The following ORC2 variants were observed in gnomAD, a reference collection of about 807,000 sequenced individuals.
The protein encoded by ORC2 is origin recognition complex protein 2 homolog.
A neutral mutation model predicts 77.7 loss-of-function variants in ORC2; 37 were observed. The ratio of observed to expected loss-of-function variants is 0.48; its 90% CI spans 0.37 to 0.63. ORC2 has a LOEUF of 0.63. Among genes scored for constraint, ORC2 ranks in the 20% least tolerant of loss-of-function variants. The pLI, the probability that ORC2 is intolerant of heterozygous loss-of-function variation, is 0.00. For synonymous variants in ORC2, 201 were observed against 229.5 expected (o/e 0.88, Z 1.12); for missense variants, 557 against 661.9 (o/e 0.84, Z 1.74).
At chr2:200,918,866 T>C (rs998401422) in intron 15 of ORC2, among the ~76,000 whole-genome samples, 3 of 152,062 alleles carry the variant, frequency 2.0e-5, no homozygotes, top group Admixed American at 6.6e-5. Flanking sequence ...GACTAATTTA[T>C]AGATCTAATA....
chr2:200,912,980 TA>T (rs1225161600), intron 17 of ORC2, among the ~76,000 whole-genome samples: 5 of 152,208 alleles, frequency 3.3e-5, no homozygotes, highest in Non-Finnish European at 5.9e-5. Flanking sequence ...ATGTAGTTAG[TA>T]CTCAATAAAT....
chr2:200,949,419 C>A, intron 5 of ORC2, 135 bp downstream of exon 5: 1 of 602,982 alleles, frequency 1.7e-6, no homozygotes, highest in African/African-American at 1.9e-5. Flanking sequence ...GGGAACGTCT[C>A]ATTATTCCCT....
intron 1 of ORC2, among the ~76,000 whole-genome samples, 165 bp from the exon 2 acceptor site, chr2:200,959,605 A>G (rs1435672050): frequency 1.3e-5 from 2 of 152,216 alleles, no homozygotes; most frequent in Non-Finnish European, 2.9e-5. Context: ...AAAGACCATT[A>G]CTGATTTGGC....
chr2:200,920,420 A>G (rs1193130786), intron 14 of ORC2, 27 bp from the exon 15 acceptor site: 1 of 1,454,986 alleles, frequency 6.9e-7, no homozygotes. Context: ...GAAAACAAGA[A>G]TTACAAATTA....
chr2:200,916,726 G>A (rs1299406397), intron 15 of ORC2, among the ~76,000 whole-genome samples: 3 of 151,946 alleles, frequency 2.0e-5, no homozygotes, highest in East Asian at 1.9e-4. Context: ...TATTTGAGAC[G>A]GAGTCTCGCT....
At chr2:200,917,665 T>C (rs1268523065) in intron 15 of ORC2, among the ~76,000 whole-genome samples, 1 of 152,072 alleles carries the variant, frequency 6.6e-6, no homozygotes. Context: ...GAAATCCAAA[T>C]ATGGATGGGA....
intron 1 of ORC2, among the ~76,000 whole-genome samples, chr2:200,960,064 A>G (rs1334646283): frequency 6.6e-6 from 1 of 152,002 alleles, no homozygotes; most frequent in Non-Finnish European, 1.5e-5. Flanking sequence ...CACAGCTCCA[A>G]CCTCCTGGGC....
chr2:200,911,719 C>A (rs927692843), intron 17 of ORC2, among the ~76,000 whole-genome samples: 5 of 152,110 alleles, frequency 3.3e-5, no homozygotes, highest in African/African-American at 1.2e-4. Context: ...TCAACAAGAA[C>A]CTTCCCTGTT....
rs1454650453 is a variant in ORC2 at position 200,909,857 on chromosome 2, GC to G, written c.*1443del. 6.6e-6 allele frequency: 1 copy of G among 151,582 alleles called. No individual in the cohort carries two copies. The highest frequency in any genetic ancestry group is 1.5e-5 in the Non-Finnish European group (1 of 68,040). 9.4% of individuals were successfully genotyped at this position (151,582 alleles called of 1,614,324 possible). A position where few individuals can be genotyped will look rare whatever the true frequency, so the allele number is the denominator to read the frequency against. ...GCTCACTGTAATCTTGAACCCCTGGGCTCAAGCGATCCTCCTGCCTCAGCCT... is the reference window on the plus strand; with the variant it reads ...GCTCACTGTAATCTTGAACCCCTGGGTCAAGCGATCCTCCTGCCTCAGCCT... On this transcript the variant is annotated 3_prime_UTR_variant, in exon 18 of 18. Coordinates refer to ENST00000234296, the MANE Select transcript of ORC2 (RefSeq NM_006190.5).
chr2:200,948,707 C>A (rs990761343), intron 5 of ORC2, among the ~76,000 whole-genome samples: 1 of 151,914 alleles, frequency 6.6e-6, no homozygotes, highest in African/African-American at 2.4e-5. Flanking sequence ...GGACTACAGG[C>A]ACGTGCCACC....
At position 200,929,688 on chromosome 2, in the gene ORC2, T is replaced by C. The variant is rs1267004573; in HGVS notation, c.917+1651A>G. Among the ~76,000 whole-genome samples the C allele has an allele frequency of 2.0e-5, 3 of 152,102 alleles. No homozygotes were observed. In the South Asian group the frequency reaches 6.2e-4, roughly 32 times the overall value. ...GGCACACATCTATGGACCCAGCTATTTGGGAAGCTGAGGTGGGAGGATTGC... is the reference window on the plus strand; with the variant it reads ...GGCACACATCTATGGACCCAGCTATCTGGGAAGCTGAGGTGGGAGGATTGC... On this transcript the variant is annotated intron_variant, in intron 11 of 17. Transcript: ENST00000234296.
intron 4 of ORC2, 117 bp from the exon 5 acceptor site, chr2:200,949,760 ATATT>A (rs1273444386): frequency 4.1e-6 from 2 of 486,410 alleles, no homozygotes; most frequent in African/African-American, 2.0e-5. Flanking sequence ...AGATTTAACT[ATATT>A]TATATATAAA....
intron 6 of ORC2, among the ~76,000 whole-genome samples, chr2:200,942,401 T>G (rs537484225): frequency 6.6e-6 from 1 of 152,318 alleles, no homozygotes; most frequent in African/African-American, 2.4e-5. Context: ...CTTCTATAAA[T>G]AATTGGCTAA....
At chr2:200,959,003 T>C (rs972546652) in intron 2 of ORC2, among the ~76,000 whole-genome samples, 8 of 152,254 alleles carry the variant, frequency 5.3e-5, no homozygotes, top group South Asian at 4.1e-4. Context: ...GGAGAAACTA[T>C]TGACTGTGTC....
At position 200,957,449 on chromosome 2, in the gene ORC2, C is replaced by T. The variant is rs994360714; in HGVS notation, c.190G>A (p.Val64Ile). The T allele has an allele frequency of 6.2e-7, 1 of 1,610,798 alleles. No individual in the cohort carries two copies. The highest frequency in any genetic ancestry group is 1.1e-5 in the South Asian group (1 of 90,630). ...EYDLEEDDQEVLKDQNYVEIM... is the reference protein window; with the variant it reads ...EYDLEEDDQEILKDQNYVEIM... ...TCCACATAGTTCTGATCTTTTAAGA[C>T]CTCCTGGTCATCTTCCTCCAAATCA... The change falls in exon 4 of 18, where the codon GTC becomes ATC. Residue 64 changes from valine (V) to isoleucine (I), a missense_variant. Physicochemically the swap from Val to Ile is conservative, Grantham distance 29. Coordinates refer to ENST00000234296, the MANE Select transcript of ORC2 (RefSeq NM_006190.5).
intron 14 of ORC2, 131 bp from the exon 15 acceptor site, chr2:200,920,524 T>C: frequency 1.7e-6 from 1 of 585,344 alleles, no homozygotes. Context: ...TTTTGCCACT[T>C]CCATATCTAA....
chr2:200,963,343 C>T (rs1015641140), intron 1 of ORC2, 147 bp downstream of exon 1: 4 of 397,602 alleles, frequency 1.0e-5, no homozygotes, highest in Non-Finnish European at 1.8e-5. Context: ...GACCATGCCC[C>T]AAGTGCCGAG....
chr2:200,931,278 CAT>C, intron 11 of ORC2, 59 bp downstream of exon 11: 1 of 684,036 alleles, frequency 1.5e-6, no homozygotes, highest in Non-Finnish European at 2.3e-6. Context: ...CTTACTTTAA[CAT>C]AAAGATTCAT....
chr2:200,944,319 G>A (rs1169456314), intron 5 of ORC2, among the ~76,000 whole-genome samples: 2 of 152,086 alleles, frequency 1.3e-5, no homozygotes, highest in South Asian at 2.1e-4. Flanking sequence ...GATTACACAT[G>A]TGTGCCATCA....
Sources: allele counts gnomAD v4.1 joint callset (sites outside exome capture counted in the v4.1 genomes callset), GRCh38; gene constraint gnomAD v4.1.1; transcripts MANE v1.5; gene names NCBI Gene and HGNC (gene_info 2026-07-23, HGNC 2026-07-21).